The following CCT6B variants were observed in gnomAD, a reference collection of about 807,000 sequenced individuals.
CCT6B encodes probable T-complex protein 1 subunit zeta-2.
In CCT6B, 49 loss-of-function variants were observed where a neutral mutation model predicts 61.5. The ratio of observed to expected loss-of-function variants is 0.80; its 90% CI spans 0.63 to 1.01. The LOEUF (loss-of-function observed/expected upper bound fraction) is 1.01, where lower values mean the gene tolerates loss of function less well. Among genes scored for constraint, CCT6B ranks in the 50% least tolerant of loss-of-function variants. CCT6B has a pLI of 0.00. For missense variants in CCT6B, 666 were observed against 634.7 expected (o/e 1.05, Z -0.53); for synonymous variants, 228 against 214.5 (o/e 1.06, Z -0.55).
In CCT6B at chr17:34,954,600, C is replaced by G; in HGVS notation, c.337-1G>C. The G allele has an allele frequency of 6.3e-7, 1 of 1,590,858 alleles. No homozygotes were observed. The highest frequency in any genetic ancestry group is 8.5e-7 in the Non-Finnish European group (1 of 1,172,868). ...CAGCTATTATTCTAGGGTGCAGGCC[C>G]TGTTACATCAACATAAAATTATAAA... On this transcript the variant is annotated splice_acceptor_variant, in intron 3 of 13. Transcript: ENST00000314144. LOFTEE classifies it high-confidence loss of function.
intron 5 of CCT6B, 84 bp downstream of exon 5, chr17:34,951,866 A>G: frequency 1.6e-6 from 1 of 615,974 alleles, no homozygotes; most frequent in South Asian, 2.6e-5. Context: ...ATTTATGTTG[A>G]ATAAAAGTAA....
chr17:34,950,435 C>G (rs2090277366), intron 5 of CCT6B, among the ~76,000 whole-genome samples: 1 of 152,022 alleles, frequency 6.6e-6, no homozygotes, highest in South Asian at 2.1e-4. Context: ...TAAATAACAC[C>G]AGAAATAAAT....
intron 5 of CCT6B, among the ~76,000 whole-genome samples, chr17:34,944,987 T>C (rs1179541396): frequency 6.6e-6 from 1 of 152,214 alleles, no homozygotes; most frequent in East Asian, 1.9e-4. Context: ...TTCACGGCAA[T>C]GTACTCAAAC....
intron 4 of CCT6B, among the ~76,000 whole-genome samples, chr17:34,953,870 TTTGAACC>T (rs1363349408): frequency 1.3e-5 from 2 of 151,926 alleles, no homozygotes; most frequent in African/African-American, 4.8e-5. Context: ...AGGAGAATCG[TTTGAACC>T]TGGGAGACGG....
chr17:34,929,983 T>C (rs377450128), intron 12 of CCT6B, among the ~76,000 whole-genome samples: 1 of 152,218 alleles, frequency 6.6e-6, no homozygotes, highest in Admixed American at 6.5e-5. Flanking sequence ...TCCACCACAG[T>C]TGATTGCAAC....
In CCT6B at chr17:34,942,541, G is replaced by C; in HGVS notation, c.828C>G (p.Asp276Glu). The C allele has an allele frequency of 2.5e-6, 4 of 1,606,448 alleles. No homozygotes were observed. Among genetic ancestry groups the C allele is most frequent in the Non-Finnish European group, 3.4e-6 (4 of 1,177,568 alleles). The change falls in exon 7 of 14, where the codon GAC (aspartate) becomes GAG (glutamate). Residue 276 changes from aspartate (D) to glutamate (E), a missense_variant. By Grantham distance (45) the Asp-to-Glu change is conservative (BLOSUM62 2). Coordinates refer to ENST00000314144, the MANE Select transcript of CCT6B (RefSeq NM_006584.4). Reference protein sequence around the residue: ...FIEDRVQKIIDLKDKVCAQSN... With the variant: ...FIEDRVQKIIELKDKVCAQSN... ...ACTGAGCACAGACTTTGTCCTTCAG[G>C]TCTATTATTTTTTGTACTCTATCTT...
chr17:34,951,881 T>C (rs2142171973), intron 5 of CCT6B, 69 bp downstream of exon 5: 1 of 679,966 alleles, frequency 1.5e-6, no homozygotes, highest in Non-Finnish European at 2.4e-6. Flanking sequence ...AAGTAAGTAA[T>C]GAATTTAATA....
chr17:34,932,299 A>G, intron 11 of CCT6B, 68 bp downstream of exon 11: 1 of 1,414,434 alleles, frequency 7.1e-7, no homozygotes, highest in Non-Finnish European at 9.6e-7. Context: ...ATCAGATAAT[A>G]TGGGCAATTT....
At chr17:34,951,826 G>A in intron 5 of CCT6B, 124 bp downstream of exon 5, 3 of 507,668 alleles carry the variant, frequency 5.9e-6, no homozygotes, top group Non-Finnish European at 7.0e-6. Context: ...ATTACCTAGA[G>A]CAGTGACTTA....
chr17:34,940,576 C>T lies in CCT6B; in HGVS notation c.931G>A (p.Val311Ile). The T allele has an allele frequency of 1.3e-6, 2 of 1,583,744 alleles. No homozygotes were observed. The highest frequency in any genetic ancestry group is 1.2e-5 in the South Asian group (1 of 86,880). ...CTTCTTTTTGCTCTGCGAAGAGCTACTATTCCATGTTTTGCAAGAGAATCT... is the reference window on the plus strand; with the variant it reads ...CTTCTTTTTGCTCTGCGAAGAGCTATTATTCCATGTTTTGCAAGAGAATCT... ...SLDSLAKHGI[V>I]ALRRAKRRNM... Residue 311 changes from valine (V) to isoleucine (I), a missense_variant, in exon 8 of 14, where the codon GTA (valine) becomes ATA (isoleucine). Val to Ile is a conservative substitution (Grantham distance 29). Transcript: ENST00000314144.
intron 13 of CCT6B, 78 bp downstream of exon 13, chr17:34,928,884 A>C (rs1483391892): frequency 9.2e-6 from 8 of 867,210 alleles, no homozygotes; most frequent in Non-Finnish European, 1.5e-5. Flanking sequence ...CAGGGACAAA[A>C]ATAATAGAAA....
intron 5 of CCT6B, chr17:34,943,430 G>A (rs1438439898): frequency 6.6e-6 from 1 of 152,180 alleles, no homozygotes; most frequent in Non-Finnish European, 1.5e-5. Flanking sequence ...TCCAACAATA[G>A]GGTATTATTC....
chr17:34,953,299 C>T (rs958762235), intron 4 of CCT6B, among the ~76,000 whole-genome samples: 6 of 147,812 alleles, frequency 4.1e-5, no homozygotes, highest in Non-Finnish European at 8.9e-5. Flanking sequence ...AATATCCAGC[C>T]AATCTTGTCT....
intron 1 of CCT6B, among the ~76,000 whole-genome samples, 192 bp downstream of exon 1, chr17:34,961,065 G>A (rs1452071825): frequency 1.3e-5 from 2 of 152,186 alleles, no homozygotes; most frequent in African/African-American, 4.8e-5. Context: ...CTTCACTCCC[G>A]GGGCCCTCTA....
In CCT6B at chr17:34,951,949, C is replaced by T. The variant is rs952990011; in HGVS notation, c.614+1G>A. ...ATGTTGTCAAAGCTTATGTAATTTA[C>T]TTTGTATCTGTTCCTAATTTATGCT... is the stretch of plus-strand genomic sequence containing the variant. On this transcript the variant is annotated splice_donor_variant, in intron 5 of 13. Transcript: ENST00000314144. LOFTEE classifies it high-confidence loss of function. 2 of 1,486,010 alleles carry T rather than the reference C, an allele frequency of 1.3e-6. No homozygotes were observed. The highest frequency in any genetic ancestry group is 1.9e-6 in the Non-Finnish European group (2 of 1,071,682). 92.1% of individuals were successfully genotyped at this position (1,486,010 alleles called of 1,614,324 possible). A position where few individuals can be genotyped will look rare whatever the true frequency, so the allele number is the denominator to read the frequency against.
At chr17:34,956,714 A>T (rs375477759) in intron 3 of CCT6B, among the ~76,000 whole-genome samples, 1 of 152,140 alleles carries the variant, frequency 6.6e-6, no homozygotes, top group Non-Finnish European at 1.5e-5. Flanking sequence ...ACTAAAGAAA[A>T]GCCTCCTGAA....
At chr17:34,959,740 C>T in intron 1 of CCT6B, 90 bp from the exon 2 acceptor site, 1 of 842,178 alleles carries the variant, frequency 1.2e-6, no homozygotes, top group Non-Finnish European at 2.0e-6. Context: ...GGGAACTGGG[C>T]TCGGAAAACT....
chr17:34,950,838 G>GGAATCACTT (rs1363680566), intron 5 of CCT6B, among the ~76,000 whole-genome samples: 1 of 151,788 alleles, frequency 6.6e-6, no homozygotes, highest in Non-Finnish European at 1.5e-5. Context: ...CTGAGGCAGG[G>GGAATCACTT]GAATCACTTG....
chr17:34,951,274 C>T (rs1050282363), intron 5 of CCT6B, among the ~76,000 whole-genome samples: 1 of 151,420 alleles, frequency 6.6e-6, no homozygotes, highest in Non-Finnish European at 1.5e-5. Context: ...TAGGTAAAAG[C>T]AGGGGGTTTA....
Sources: allele counts gnomAD v4.1 joint callset (sites outside exome capture counted in the v4.1 genomes callset), GRCh38; gene constraint gnomAD v4.1.1; transcripts MANE v1.5; gene names NCBI Gene and HGNC (gene_info 2026-07-23, HGNC 2026-07-21).